Variants in EVC2 observed in about 807,000 individuals in gnomAD.
The protein encoded by EVC2 is limbin.
EVC2 carries 148 observed loss-of-function variants against 149.3 expected under a neutral mutation model. That is an observed-to-expected ratio of 0.99 (90% confidence interval 0.87 to 1.14). The LOEUF (loss-of-function observed/expected upper bound fraction) is 1.14, where lower values mean the gene tolerates loss of function less well. EVC2 is among the 50% of genes most tolerant of loss of function. EVC2 has a pLI of 0.00. For synonymous variants in EVC2, 776 were observed against 649.9 expected (o/e 1.19, Z -2.95); for missense variants, 1,854 against 1,627.3 (o/e 1.14, Z -2.40).
chr4:5,643,744 A>C (rs974051554), intron 9 of EVC2, among the ~76,000 whole-genome samples: 1 of 152,160 alleles, frequency 6.6e-6, no homozygotes, highest in African/African-American at 2.4e-5. Context: ...AACATGGTGA[A>C]ATGCCATCTC....
At chr4:5,606,793 C>CA (rs774180381) in intron 16 of EVC2, among the ~76,000 whole-genome samples, 103 of 152,314 alleles carry the variant, frequency 6.8e-4, no homozygotes, top group Middle Eastern at 3.4e-3. Flanking sequence ...CATTTGTTGA[C>CA]ATTATGACTG....
rs1017669142 is a variant in EVC2, at chr4:5,657,452, G to T, written c.1145+5655C>A. Reference sequence around the variant, plus strand: ...GTCCCAGCCACAGGACATCCTTGGAGGAAGCTGGGTAGCCTGAAGAGCCAC... The same window carrying T: ...GTCCCAGCCACAGGACATCCTTGGATGAAGCTGGGTAGCCTGAAGAGCCAC... On this transcript the variant is annotated intron_variant, in intron 9 of 21. Transcript: ENST00000344408. This position sits in a 1 kb window ranked among gnomAD's most constrained non-coding sequence, Gnocchi z 4.7. Among the ~76,000 whole-genome samples the T allele has an allele frequency of 3.3e-5, 5 of 152,076 alleles. No homozygotes were observed. The highest frequency in any genetic ancestry group is 1.2e-4 in the African/African-American group (5 of 41,422).
At chr4:5,661,139 C>G (rs2108892582) in intron 9 of EVC2, among the ~76,000 whole-genome samples, 1 of 152,252 alleles carries the variant, frequency 6.6e-6, no homozygotes, top group East Asian at 1.9e-4. Flanking sequence ...AGCCACACAT[C>G]TTTAATCTAG....
In EVC2 at chr4:5,681,291, A is replaced by C. The variant is rs762353411; in HGVS notation, c.839T>G (p.Leu280Arg). 1 of 1,614,256 alleles carries C rather than the reference A, an allele frequency of 6.2e-7. No individual in the cohort carries two copies. The highest frequency in any genetic ancestry group is 8.5e-7 in the Non-Finnish European group (1 of 1,180,046). The change falls in exon 7 of 22, where the codon CTT becomes CGT. Residue 280 changes from leucine (L) to arginine (R), a missense_variant. Coordinates refer to ENST00000344408, the MANE Select transcript of EVC2 (RefSeq NM_147127.5). ...SSRNRTQLKV[L>R]FSITAEENVT... ...GTTTTCTTCTGCTGTTATGGAAAAAAGCACTTTCAGCTGTGTTCTGTTCTA... is the reference window on the plus strand; with the variant it reads ...GTTTTCTTCTGCTGTTATGGAAAAACGCACTTTCAGCTGTGTTCTGTTCTA...
At position 5,691,247 on chromosome 4, in the gene EVC2, C is replaced by A; in HGVS notation, c.519+18G>T. The A allele has an allele frequency of 6.2e-7, 1 of 1,607,084 alleles. No homozygotes were observed. Among genetic ancestry groups the A allele is most frequent in the Non-Finnish European group, 8.5e-7 (1 of 1,173,754 alleles). On this transcript the variant is annotated intron_variant, in intron 4 of 21. Coordinates refer to ENST00000344408, the MANE Select transcript of EVC2 (RefSeq NM_147127.5). ...CAATTATTTTCTCTTCAAATATACA[C>A]CACCAGTGGAAACTTACCAGTGCAC...
At position 5,613,618 on chromosome 4, in the gene EVC2, G is replaced by A. The variant is rs538828535; in HGVS notation, c.2829+1804C>T. Among the ~76,000 whole-genome samples, 15 of 152,184 alleles carry A rather than the reference G, an allele frequency of 9.9e-5. No homozygotes were observed. Among genetic ancestry groups the A allele is most frequent in the African/African-American group, 3.6e-4 (15 of 41,498 alleles). On this transcript the variant is annotated intron_variant, in intron 16 of 21. Coordinates refer to ENST00000344408, the MANE Select transcript of EVC2 (RefSeq NM_147127.5). The surrounding 1 kb of genome is among the most constrained non-coding windows in gnomAD (Gnocchi z 4.6). ...CCCAACTTCTGCTCTGCTTCCCTAG[G>A]GGTAGGCTGCCCCCCACAAGGAACC...
At chr4:5,660,473 A>C (rs1198586085) in intron 9 of EVC2, among the ~76,000 whole-genome samples, 1 of 152,204 alleles carries the variant, frequency 6.6e-6, no homozygotes, top group East Asian at 1.9e-4. Context: ...TCTACCTAGG[A>C]TCTACCTCTT....
intron 6 of EVC2, among the ~76,000 whole-genome samples, chr4:5,682,285 G>A (rs1297004060): frequency 6.6e-6 from 1 of 152,036 alleles, no homozygotes. Context: ...GAGGTCAGGA[G>A]TTCAAGACCA....
Position 5,633,633 on chromosome 4 carries a change from A to T in EVC2, c.1471-1601T>A, listed in dbSNP as rs935875575. On this transcript the variant is annotated intron_variant, in intron 10 of 21. Coordinates refer to ENST00000344408, the MANE Select transcript of EVC2 (RefSeq NM_147127.5). This position sits in a 1 kb window ranked among gnomAD's most constrained non-coding sequence, Gnocchi z 4.4. ...AGGATGCGTGGGTACAGCCATCCCAAATGGCCAATAAAGGCCTGGCCTTGG... is the reference window on the plus strand; with the variant it reads ...AGGATGCGTGGGTACAGCCATCCCATATGGCCAATAAAGGCCTGGCCTTGG... Among the ~76,000 whole-genome samples the T allele has an allele frequency of 6.6e-6, 1 of 152,234 alleles. No individual in the cohort carries two copies. The highest frequency in any genetic ancestry group is 1.5e-5 in the Non-Finnish European group (1 of 68,034).
Position 5,574,194 on chromosome 4 carries a change from A to C in EVC2, c.3360+491T>G, listed in dbSNP as rs76114795. 2.0e-5 allele frequency among the ~76,000 whole-genome samples: 3 copies of C among 152,326 alleles called. No homozygotes were observed. The East Asian group carries it at 5.8e-4, about 29-fold the overall frequency. ...CGATCGGTAGCAGACAGTCAGGTAC[A>C]TGACTGCATAAGGCTCCGTGCACAG... On this transcript the variant is annotated intron_variant, in intron 19 of 21. Transcript: ENST00000344408.
At chr4:5,674,758 A>G (rs1719884108) in intron 7 of EVC2, among the ~76,000 whole-genome samples, 1 of 152,188 alleles carries the variant, frequency 6.6e-6, no homozygotes, top group Non-Finnish European at 1.5e-5. Flanking sequence ...TGGATCCTGA[A>G]TGGAGGCCCC....
chr4:5,644,691 C>A (rs1479939900), intron 9 of EVC2, among the ~76,000 whole-genome samples: 1 of 152,266 alleles, frequency 6.6e-6, no homozygotes, highest in African/African-American at 2.4e-5. Context: ...TACCCCTTCC[C>A]ATACCTGGGC....
chr4:5,697,605 A>G lies in EVC2; in HGVS notation c.271T>C (p.Phe91Leu). 1 of 1,614,234 alleles carries G rather than the reference A, an allele frequency of 6.2e-7. No individual in the cohort carries two copies. Among genetic ancestry groups the G allele is most frequent in the Non-Finnish European group, 8.5e-7 (1 of 1,180,042 alleles). Reference protein sequence around the residue: ...MIWPKVECCHFKTAVEAPLGM... With the variant: ...MIWPKVECCHLKTAVEAPLGM... ...AAGAAAAACTCACCTGCAGTCTTAAAGTGACAGCATTCCACTTTGGGCCAA... is the reference window on the plus strand; with the variant it reads ...AAGAAAAACTCACCTGCAGTCTTAAGGTGACAGCATTCCACTTTGGGCCAA... Residue 91 changes from phenylalanine (F) to leucine (L), a missense_variant, in exon 2 of 22, where the codon TTT becomes CTT. Transcript: ENST00000344408.
rs564484406 is a variant in EVC2 at position 5,653,370 on chromosome 4, T to A, written c.1145+9737A>T. Among the ~76,000 whole-genome samples the A allele has an allele frequency of 6.4e-4, 97 of 152,304 alleles. 4 individuals carry two copies. The South Asian group carries it at 0.019, about 29-fold the overall frequency. Reference sequence around the variant, plus strand: ...CATCCAACTAGAAATGGGTTGGCCATCTATTAGGCGTACCAGAGACTATTC... The same window carrying A: ...CATCCAACTAGAAATGGGTTGGCCAACTATTAGGCGTACCAGAGACTATTC... On this transcript the variant is annotated intron_variant, in intron 9 of 21. Transcript: ENST00000344408.
At chr4:5,704,555 G>A (rs1187330053) in intron 1 of EVC2, among the ~76,000 whole-genome samples, 1 of 152,078 alleles carries the variant, frequency 6.6e-6, no homozygotes, top group Non-Finnish European at 1.5e-5. Flanking sequence ...GAGCTGCCAG[G>A]GGATAGATCA....
chr4:5,699,340 A>G (rs1193351665), intron 1 of EVC2, among the ~76,000 whole-genome samples: 1 of 152,252 alleles, frequency 6.6e-6, no homozygotes, highest in Non-Finnish European at 1.5e-5. Flanking sequence ...AGCGTAAAGA[A>G]TTCTATTTAA....
rs527866261 is a variant in EVC2, at chr4:5,565,365, G to C, written c.3558-6C>G. On this transcript the variant is annotated splice_polypyrimidine_tract_variant and splice_region_variant and intron_variant, in intron 20 of 21. Coordinates refer to ENST00000344408, the MANE Select transcript of EVC2 (RefSeq NM_147127.5). The stretch of plus-strand genomic sequence containing the variant: ...GCCACCAGCTCTGGTGTTTCCTGCA[G>C]GCAAGAAGGGAGTCTTATAGTTTCA... The C allele has an allele frequency of 1.2e-6, 2 of 1,613,690 alleles. No homozygotes were observed. The highest frequency in any genetic ancestry group is 1.7e-6 in the Non-Finnish European group (2 of 1,179,736).
In EVC2 at chr4:5,637,264, T is replaced by G. The variant is rs765163729; in HGVS notation, c.1470+3250A>C. On this transcript the variant is annotated intron_variant, in intron 10 of 21. Transcript: ENST00000344408. The surrounding 1 kb of genome is among the most constrained non-coding windows in gnomAD (Gnocchi z 4.4). ...AGGTGCCCCACAGGACGGGTTCACA[T>G]GGGGCGCACAGCAGGGGGACGTAAC... is the stretch of plus-strand genomic sequence containing the variant. 6.6e-6 allele frequency among the ~76,000 whole-genome samples: 1 copy of G among 152,158 alleles called. No individual in the cohort carries two copies. The highest frequency in any genetic ancestry group is 1.9e-4 in the East Asian group (1 of 5,188).
At chr4:5,703,282 T>C (rs557794031) in intron 1 of EVC2, among the ~76,000 whole-genome samples, 8 of 152,334 alleles carry the variant, frequency 5.3e-5, no homozygotes, top group African/African-American at 1.4e-4. Context: ...ACTGTTCTTA[T>C]CATCACCATC....
Sources: allele counts gnomAD v4.1 joint callset (sites outside exome capture counted in the v4.1 genomes callset), GRCh38; gene constraint gnomAD v4.1.1; non-coding constraint Gnocchi (gnomAD v3.1); transcripts MANE v1.5; gene names NCBI Gene and HGNC (gene_info 2026-07-23, HGNC 2026-07-21).